OR10J1: variants seen among roughly 807,000 people sequenced by gnomAD.
The protein encoded by OR10J1 is olfactory receptor family 10 subfamily J member 1.
For synonymous variants in OR10J1, 202 were observed against 143.8 expected, an observed-to-expected ratio of 1.40 and a Z score of -2.89; for missense variants, 474 against 376.6, an observed-to-expected ratio of 1.26 and a Z score of -2.14.
chr1:159,411,155 C>A, the OR10J1 span, among the ~76,000 whole-genome samples: 1 of 145,052 alleles, frequency 6.9e-6, no homozygotes, highest in Non-Finnish European at 1.5e-5. Flanking sequence ...TGGTGTGGTG[C>A]TGAAAAAATG....
At chr1:159,399,215 T>C in the OR10J1 span, among the ~76,000 whole-genome samples, 1 of 151,462 alleles carries the variant, frequency 6.6e-6, no homozygotes, top group Non-Finnish European at 1.5e-5. Context: ...AATATGAAGG[T>C]AAAATGAAGA....
Position 159,440,523 on chromosome 1 carries a change from C to T in OR10J1, c.732C>T (p.Leu244=), listed in dbSNP as rs751376301. ...KKAFATCASH[L]TVVIVHYSCA... is the part of the protein sequence containing the mutation. ...CTTTTGCCACCTGTGCATCCCACCT[C>T]ACTGTGGTCATTGTCCACTACAGCT... The change falls in exon 1 of 1, where the codon CTC becomes CTT. Residue 244 remains leucine, a synonymous_variant. Coordinates refer to ENST00000423932, the MANE Select transcript of OR10J1 (RefSeq NM_012351.3). The T allele has an allele frequency of 7.4e-6, 12 of 1,614,096 alleles. No individual in the cohort carries two copies. The highest frequency in any genetic ancestry group is 2.2e-5 in the East Asian group (1 of 44,876).
At chr1:159,418,136 G>C in the OR10J1 span, among the ~76,000 whole-genome samples, 1 of 152,202 alleles carries the variant, frequency 6.6e-6, no homozygotes, top group Admixed American at 6.5e-5. Context: ...AAAATTTGCA[G>C]TCTGACAATG....
chr1:159,399,314 G>C, the OR10J1 span, among the ~76,000 whole-genome samples: 1 of 152,112 alleles, frequency 6.6e-6, no homozygotes, highest in Non-Finnish European at 1.5e-5. Flanking sequence ...GCTCATGCCT[G>C]TAATCCCAGC....
chr1:159,422,314 CTG>C, the OR10J1 span, among the ~76,000 whole-genome samples: 1 of 152,126 alleles, frequency 6.6e-6, no homozygotes, highest in Non-Finnish European at 1.5e-5. Flanking sequence ...AGTGACTGCA[CTG>C]TGGCCCTACT....
chr1:159,433,354 G>C (rs898610987), upstream of OR10J1, among the ~76,000 whole-genome samples: 11 of 152,164 alleles, frequency 7.2e-5, no homozygotes, highest in African/African-American at 2.7e-4. Flanking sequence ...GGTTTACCAA[G>C]CTTGATGAAA....
chr1:159,424,582 G>T, the OR10J1 span, among the ~76,000 whole-genome samples: 1 of 151,574 alleles, frequency 6.6e-6, no homozygotes, highest in Non-Finnish European at 1.5e-5. Context: ...GAGTGTGTCC[G>T]TGAAATAAAA....
the OR10J1 span, among the ~76,000 whole-genome samples, chr1:159,428,549 T>C: frequency 6.6e-6 from 1 of 152,288 alleles, no homozygotes; most frequent in African/African-American, 2.4e-5. Context: ...AATGATTATT[T>C]CAAGGTCTCG....
chr1:159,410,589 T>C, the OR10J1 span, among the ~76,000 whole-genome samples: 1 of 151,942 alleles, frequency 6.6e-6, no homozygotes, highest in African/African-American at 2.4e-5. Context: ...TCTCCTCTCT[T>C]TTTTTCTTTA....
the OR10J1 span, among the ~76,000 whole-genome samples, chr1:159,412,538 C>T: frequency 0.017 from 1,926 of 111,358 alleles, no homozygotes; most frequent in African/African-American, 0.031. Context: ...TGCCACATAT[C>T]TACAACTATC....
At chr1:159,410,446 A>T in the OR10J1 span, among the ~76,000 whole-genome samples, 1 of 152,172 alleles carries the variant, frequency 6.6e-6, no homozygotes, top group Admixed American at 6.6e-5. Context: ...TGCGTCAAGG[A>T]ATTTATCCAT....
At chr1:159,426,618 T>A in the OR10J1 span, among the ~76,000 whole-genome samples, 3 of 151,722 alleles carry the variant, frequency 2.0e-5, no homozygotes, top group Non-Finnish European at 3.0e-5. Flanking sequence ...TAACAAAACA[T>A]TCAATGGTTT....
chr1:159,420,747 T>C, the OR10J1 span, among the ~76,000 whole-genome samples: 1 of 152,102 alleles, frequency 6.6e-6, no homozygotes, highest in Non-Finnish European at 1.5e-5. Context: ...GTCTGCATGG[T>C]TTCTGCTGAG....
the OR10J1 span, among the ~76,000 whole-genome samples, chr1:159,404,050 G>A: frequency 6.6e-6 from 1 of 151,986 alleles, no homozygotes. Context: ...CTTACTTGTG[G>A]GATCTAAAAA....
At chr1:159,413,006 C>A in the OR10J1 span, among the ~76,000 whole-genome samples, 12,258 of 151,964 alleles carry the variant, frequency 0.081, 1,131 homozygotes, top group African/African-American at 0.23. Flanking sequence ...AAACAAACAA[C>A]CCCATCAAAA....
the OR10J1 span, among the ~76,000 whole-genome samples, chr1:159,412,669 C>A: frequency 1.3e-4 from 19 of 151,798 alleles, no homozygotes. Flanking sequence ...TTCCTTACAC[C>A]TTACACAAAA....
chr1:159,430,712 C>T, the OR10J1 span, among the ~76,000 whole-genome samples: 2 of 147,886 alleles, frequency 1.4e-5, no homozygotes, highest in East Asian at 4.0e-4. Flanking sequence ...CAAATGGAAC[C>T]CAGAGTTATG....
chr1:159,432,173 C>T, the OR10J1 span: 24 of 400,584 alleles, frequency 6.0e-5, no homozygotes, highest in South Asian at 3.8e-4. Flanking sequence ...AACATTCCCA[C>T]TTCATCTCTT....
At chr1:159,436,339 G>C (rs1293238659), upstream of OR10J1, among the ~76,000 whole-genome samples, 1 of 152,060 alleles carries the variant, frequency 6.6e-6, no homozygotes, top group Non-Finnish European at 1.5e-5. Context: ...AACCTGATGA[G>C]AGCAGTTTAT....
Sources: allele counts gnomAD v4.1 joint callset (sites outside exome capture counted in the v4.1 genomes callset), GRCh38; gene constraint gnomAD v4.1.1; transcripts MANE v1.5; gene names NCBI Gene and HGNC (gene_info 2026-07-23, HGNC 2026-07-21).